The following FHL5 variants were observed in gnomAD, a reference collection of about 807,000 sequenced individuals.
FHL5 encodes four and a half LIM domains 5.
FHL5 carries 33 observed loss-of-function variants against 32.0 expected under a neutral mutation model. That is an observed-to-expected ratio of 1.03 (90% confidence interval 0.78 to 1.38). The LOEUF (loss-of-function observed/expected upper bound fraction) is 1.38. FHL5 is among the 40% of genes most tolerant of loss of function. The pLI is 0.00. For synonymous variants in FHL5, 114 were observed against 113.6 expected, an observed-to-expected ratio of 1.00 and a Z score of -0.02; for missense variants, 336 against 343.9, an observed-to-expected ratio of 0.98 and a Z score of 0.18.
intron 1 of FHL5, among the ~76,000 whole-genome samples, chr6:96,563,695 G>A (rs1005395659): frequency 2.6e-5 from 4 of 152,008 alleles, no homozygotes; most frequent in African/African-American, 7.3e-5. Context: ...GAAGAGGAGG[G>A]CTCTTGAGAT....
At chr6:96,565,661 G>T (rs1770340208) in intron 1 of FHL5, among the ~76,000 whole-genome samples, 1 of 152,072 alleles carries the variant, frequency 6.6e-6, no homozygotes, top group East Asian at 1.9e-4. Context: ...ATACCTTTTT[G>T]TATTTTTCCA....
chr6:96,601,071 CA>C (rs1219414514), intron 1 of FHL5, among the ~76,000 whole-genome samples: 1 of 152,016 alleles, frequency 6.6e-6, no homozygotes, highest in East Asian at 1.9e-4. Flanking sequence ...CGCGGTGGCT[CA>C]CGCCTGTAAT....
chr6:96,613,086 AAG>A (rs1771445355), intron 5 of FHL5, among the ~76,000 whole-genome samples: 1 of 152,180 alleles, frequency 6.6e-6, no homozygotes, highest in Non-Finnish European at 1.5e-5. Flanking sequence ...GAAAATTGCT[AAG>A]AGAATAGATT....
At chr6:96,589,370 G>A (rs1431205605) in intron 1 of FHL5, among the ~76,000 whole-genome samples, 2 of 152,160 alleles carry the variant, frequency 1.3e-5, no homozygotes, top group East Asian at 1.9e-4. Context: ...TTTCTGATGT[G>A]TAGGAATTTT....
intron 5 of FHL5, 68 bp from the exon 6 acceptor site, chr6:96,615,541 C>A: frequency 7.7e-7 from 1 of 1,305,614 alleles, no homozygotes; most frequent in South Asian, 1.5e-5. Flanking sequence ...CCTAGAGGAG[C>A]ATCTGCTAGA....
At chr6:96,598,251 T>TCAGC (rs909209164) in intron 1 of FHL5, among the ~76,000 whole-genome samples, 1 of 152,116 alleles carries the variant, frequency 6.6e-6, no homozygotes, top group Admixed American at 6.5e-5. Flanking sequence ...CACTCACATC[T>TCAGC]CAGCCAGCCA....
intron 1 of FHL5, among the ~76,000 whole-genome samples, chr6:96,571,300 C>T (rs149201435): frequency 4.5e-4 from 68 of 152,262 alleles, no homozygotes; most frequent in East Asian, 1.3e-3. Context: ...TCATAGCCTA[C>T]GCTTAGAGGT....
At chr6:96,615,541 CAT>C in intron 5 of FHL5, 66 bp from the exon 6 acceptor site, 1 of 1,305,620 alleles carries the variant, frequency 7.7e-7, no homozygotes, top group Non-Finnish European at 1.1e-6. Flanking sequence ...CCTAGAGGAG[CAT>C]CTGCTAGAAT....
At chr6:96,577,022 G>C (rs571662257) in intron 1 of FHL5, among the ~76,000 whole-genome samples, 7 of 152,172 alleles carry the variant, frequency 4.6e-5, no homozygotes, top group South Asian at 2.1e-4. Flanking sequence ...CTGAGTGAAA[G>C]CTCCAAGTAT....
At chr6:96,591,934 G>C (rs553389712) in intron 1 of FHL5, among the ~76,000 whole-genome samples, 3 of 152,254 alleles carry the variant, frequency 2.0e-5, no homozygotes, top group Admixed American at 6.5e-5. Context: ...AATGGGGAGG[G>C]AGTGTACGAA....
At chr6:96,610,519 A>C in intron 4 of FHL5, 53 bp from the exon 5 acceptor site, 1 of 1,312,898 alleles carries the variant, frequency 7.6e-7, no homozygotes, top group Non-Finnish European at 1.1e-6. Flanking sequence ...TCATGAAATG[A>C]TCTGAATTGT....
intron 1 of FHL5, among the ~76,000 whole-genome samples, chr6:96,592,811 A>T (rs1770949994): frequency 6.6e-6 from 1 of 152,138 alleles, no homozygotes; most frequent in African/African-American, 2.4e-5. Flanking sequence ...ACATTTTATA[A>T]TCTACTTTTG....
chr6:96,577,904 G>T (rs1770616488), intron 1 of FHL5, among the ~76,000 whole-genome samples: 1 of 150,440 alleles, frequency 6.6e-6, no homozygotes, highest in Non-Finnish European at 1.5e-5. Context: ...CTGAATTCTG[G>T]TTGAGGCTTT....
rs1452052441 is a variant in FHL5, at chr6:96,615,615, C to T, written c.698C>T (p.Thr233Ile). 1.9e-6 allele frequency: 3 copies of T among 1,605,380 alleles called. No individual in the cohort carries two copies. Among genetic ancestry groups the T allele is most frequent in the African/African-American group, 2.7e-5 (2 of 74,288 alleles). The change falls in exon 6 of 6, where the codon ACA becomes ATA. Residue 233 changes from threonine (T) to isoleucine (I), a missense_variant. Transcript: ENST00000450218. ...TTCTCCAATTCCTTTACAGGTCTCA[C>T]AGGTGCCAAGTTTATCTGCTTTCAA... ...VACSKPISGL[T>I]GAKFICFQDS...
At chr6:96,586,125 G>A (rs1770792038) in intron 1 of FHL5, among the ~76,000 whole-genome samples, 1 of 152,158 alleles carries the variant, frequency 6.6e-6, no homozygotes, top group Non-Finnish European at 1.5e-5. Flanking sequence ...CAATTCACAA[G>A]CATCCCAGCT....
chr6:96,562,631 T>C (rs747066813), upstream of FHL5: 3 of 152,186 alleles, frequency 2.0e-5, no homozygotes, highest in Non-Finnish European at 1.5e-5. Context: ...TACTCAAACT[T>C]ATGTCTCAGA....
intron 1 of FHL5, among the ~76,000 whole-genome samples, chr6:96,602,441 T>C (rs1277328849): frequency 4.7e-5 from 5 of 107,206 alleles, no homozygotes; most frequent in East Asian, 2.5e-4. Flanking sequence ...TTTTTTTTTT[T>C]TTTTTTTTTT....
intron 1 of FHL5, among the ~76,000 whole-genome samples, chr6:96,595,764 A>G (rs1173210610): frequency 6.6e-6 from 1 of 151,718 alleles, no homozygotes; most frequent in Non-Finnish European, 1.5e-5. Context: ...TTTTATTTCT[A>G]TCAGTTCTGT....
chr6:96,565,006 T>C (rs973888920), intron 1 of FHL5, among the ~76,000 whole-genome samples: 1 of 152,058 alleles, frequency 6.6e-6, no homozygotes, highest in Admixed American at 6.6e-5. Flanking sequence ...TCTGTAATCC[T>C]AGCTTTGGGA....
Sources: gnomAD v4.1 joint callset for allele counts (sites outside exome capture counted in the v4.1 genomes callset) on GRCh38, gnomAD v4.1.1 for gene constraint, MANE v1.5 for transcripts, NCBI Gene and HGNC (gene_info 2026-07-23, HGNC 2026-07-21) for gene names.